LEPR: variants seen among roughly 807,000 people sequenced by gnomAD.
LEPR encodes OB receptor.
A neutral mutation model predicts 114.7 loss-of-function variants in LEPR; 56 were observed. The ratio of observed to expected loss-of-function variants is 0.49; its 90% CI spans 0.39 to 0.61. LEPR has a LOEUF of 0.61. Ranked by LOEUF, LEPR falls within the 20% of genes least tolerant of loss-of-function variation. The pLI, the probability that LEPR is intolerant of heterozygous loss-of-function variation, is 0.00. For synonymous variants in LEPR, 443 were observed against 461.4 expected (o/e 0.96, Z 0.51); for missense variants, 1,202 against 1,352.9 (o/e 0.89, Z 1.75).
At chr1:65,526,143 C>A in intron 2 of LEPR, 2 of 984,676 alleles carry the variant, frequency 2.0e-6, no homozygotes, top group Non-Finnish European at 2.4e-6. Flanking sequence ...ACTTCTTTTC[C>A]AGGCTTCGTG....
chr1:65,538,924 G>A (rs188447707), intron 2 of LEPR, among the ~76,000 whole-genome samples: 17 of 151,504 alleles, frequency 1.1e-4, no homozygotes, highest in Middle Eastern at 3.4e-3. Flanking sequence ...GCCTTTTATC[G>A]CTGGGAAATT....
intron 2 of LEPR, among the ~76,000 whole-genome samples, chr1:65,446,130 G>A (rs948319377): frequency 1.3e-5 from 2 of 152,152 alleles, no homozygotes; most frequent in Admixed American, 6.5e-5. Context: ...TGTAGGAGCT[G>A]GATTTCTGAG....
At chr1:65,470,919 G>C (rs966684260) in intron 2 of LEPR, among the ~76,000 whole-genome samples, 1 of 152,146 alleles carries the variant, frequency 6.6e-6, no homozygotes, top group African/African-American at 2.4e-5. Flanking sequence ...ATAGTCATTT[G>C]GGAGCAGTAA....
intron 2 of LEPR, among the ~76,000 whole-genome samples, chr1:65,462,289 G>T (rs1202038376): frequency 6.6e-6 from 1 of 152,126 alleles, no homozygotes; most frequent in Non-Finnish European, 1.5e-5. Flanking sequence ...TAAAATGATG[G>T]TTTCCAGCTT....
chr1:65,635,080 T>C (rs1658671142), intron 19 of LEPR: 1 of 898,946 alleles, frequency 1.1e-6, no homozygotes, highest in Non-Finnish European at 1.3e-6. Flanking sequence ...AGTATAAAAC[T>C]ATGCTAAATA....
Position 65,525,731 on chromosome 1 carries a change from C to G in LEPR, c.-20-39815C>G, listed in dbSNP as rs1410350664. 17 of 986,016 alleles carry G rather than the reference C, an allele frequency of 1.7e-5. No homozygotes were observed. In the South Asian group the frequency reaches 5.2e-4, roughly 30 times the overall value. The allele number at this position is 986,016 out of a possible 1,614,324, so 61.1% of individuals were successfully genotyped here. ...CGGAGCGGCCCCATCGCAGAGCCCA[C>G]GGCCAGCCGAGCGCGCGCGACGCAG... On this transcript the variant is annotated intron_variant, in intron 2 of 19. Coordinates refer to ENST00000349533, the MANE Select transcript of LEPR (RefSeq NM_002303.6).
At chr1:65,587,284 A>G (rs1403832235) in intron 5 of LEPR, among the ~76,000 whole-genome samples, 1 of 152,092 alleles carries the variant, frequency 6.6e-6, no homozygotes, top group Non-Finnish European at 1.5e-5. Flanking sequence ...CAATTTGTTC[A>G]CAGACTTTTT....
intron 19 of LEPR, among the ~76,000 whole-genome samples, chr1:65,624,097 T>C (rs570972123): frequency 2.0e-5 from 3 of 152,284 alleles, no homozygotes; most frequent in Non-Finnish European, 4.4e-5. Context: ...CCTCCTGCTG[T>C]TCTTTATGTG....
At chr1:65,450,314 T>C (rs1422903162) in intron 2 of LEPR, among the ~76,000 whole-genome samples, 1 of 151,940 alleles carries the variant, frequency 6.6e-6, no homozygotes, top group African/African-American at 2.4e-5. Flanking sequence ...ATAGGGTACA[T>C]GTGCACATTG....
Position 65,598,628 on chromosome 1 carries a change from A to T in LEPR, c.850-32A>T, listed in dbSNP as rs778196319. On this transcript the variant is annotated intron_variant, in intron 7 of 19. Coordinates refer to ENST00000349533, the MANE Select transcript of LEPR (RefSeq NM_002303.6). ...TTAGTAAAGGTTCCACATCAACTTG[A>T]TGTTCTGATGTTTTAATATAATATT... is the stretch of plus-strand genomic sequence containing the variant. 42 of 1,611,084 alleles carry T rather than the reference A, an allele frequency of 2.6e-5. No homozygotes were observed. The South Asian group carries it at 4.6e-4, about 18-fold the overall frequency.
intron 2 of LEPR, among the ~76,000 whole-genome samples, chr1:65,465,267 T>A (rs967004447): frequency 6.6e-6 from 1 of 152,228 alleles, no homozygotes; most frequent in Non-Finnish European, 1.5e-5. Flanking sequence ...CATTTCTGCC[T>A]TTATTTTGTA....
intron 2 of LEPR, among the ~76,000 whole-genome samples, chr1:65,445,760 G>T: frequency 6.6e-6 from 1 of 151,434 alleles, no homozygotes; most frequent in East Asian, 1.9e-4. Flanking sequence ...TTCTGCAAGT[G>T]AACTTAAGAA....
chr1:65,611,348 T>C (rs982056048), intron 14 of LEPR, among the ~76,000 whole-genome samples: 3 of 152,190 alleles, frequency 2.0e-5, no homozygotes, highest in African/African-American at 7.2e-5. Flanking sequence ...TTCTGAGAGA[T>C]TGAGTGGGCG....
chr1:65,444,159 C>T lies in LEPR; in HGVS notation c.-21+18781C>T, dbSNP rs1042117351. On this transcript the variant is annotated intron_variant, in intron 2 of 19. Coordinates refer to ENST00000349533, the MANE Select transcript of LEPR (RefSeq NM_002303.6). ...AGTGTGATATTCCCCTTCCTGTGTC[C>T]ATGTGATCTCATTGTTCAATTCCCA... 6.9e-5 allele frequency among the ~76,000 whole-genome samples: 2 copies of T among 28,936 alleles called. 1 individual carries two copies. The highest frequency in any genetic ancestry group is 2.0e-4 in the Non-Finnish European group (2 of 9,770). 19.0% of individuals were successfully genotyped at this position (28,936 alleles called of 152,430 possible).
intron 2 of LEPR, among the ~76,000 whole-genome samples, chr1:65,539,892 C>A (rs1651063191): frequency 6.6e-6 from 1 of 152,152 alleles, no homozygotes; most frequent in Non-Finnish European, 1.5e-5. Context: ...TTCTCTAGAG[C>A]AATTCTGCAT....
At chr1:65,547,484 A>C (rs1026058110) in intron 2 of LEPR, among the ~76,000 whole-genome samples, 5 of 151,606 alleles carry the variant, frequency 3.3e-5, no homozygotes, top group East Asian at 1.9e-4. Flanking sequence ...ACAATTTCAG[A>C]TCCTGTTATT....
intron 2 of LEPR, among the ~76,000 whole-genome samples, chr1:65,472,453 T>A (rs12080336): frequency 1.4e-4 from 10 of 72,172 alleles, no homozygotes; most frequent in African/African-American, 5.5e-4. Context: ...CACGTGTGTA[T>A]ATATATAATA....
At chr1:65,572,939 C>T (rs1654309016) in intron 5 of LEPR, among the ~76,000 whole-genome samples, 2 of 152,156 alleles carry the variant, frequency 1.3e-5, no homozygotes. Context: ...TCTCTCTTGC[C>T]TTCAGGGTCA....
intron 5 of LEPR, among the ~76,000 whole-genome samples, chr1:65,578,977 A>G (rs1654792208): frequency 6.6e-6 from 1 of 152,174 alleles, no homozygotes; most frequent in South Asian, 2.1e-4. Context: ...TGGACATTGA[A>G]TGTCCCTGTG....
Sources: allele counts gnomAD v4.1 joint callset (sites outside exome capture counted in the v4.1 genomes callset), GRCh38; gene constraint gnomAD v4.1.1; transcripts MANE v1.5; gene names NCBI Gene and HGNC (gene_info 2026-07-23, HGNC 2026-07-21).